FAF2: variants seen among roughly 807,000 people sequenced by gnomAD.
The protein encoded by FAF2 is FAS-associated factor 2.
In FAF2, 9 loss-of-function variants were observed where a neutral mutation model predicts 62.3. That is an observed-to-expected ratio of 0.14 (90% CI 0.09 to 0.25). FAF2 has a LOEUF of 0.25. Among genes scored for constraint, FAF2 ranks in the 10% least tolerant of loss-of-function variants. FAF2 has a pLI of 1.00. For missense variants in FAF2, 368 were observed against 556.2 expected (o/e 0.66, Z 3.40); for synonymous variants, 202 against 198.0 (o/e 1.02, Z -0.17).
chr5:176,492,459 A>C (rs1025397716), intron 5 of FAF2, 127 bp downstream of exon 5: 13 of 1,036,724 alleles, frequency 1.3e-5, no homozygotes, highest in East Asian at 8.6e-5. Context: ...CACTGCTTAT[A>C]GGGGTGGGTA....
At chr5:176,458,229 G>A (rs1278501426) in intron 1 of FAF2, among the ~76,000 whole-genome samples, 2 of 151,886 alleles carry the variant, frequency 1.3e-5, no homozygotes, top group African/African-American at 4.8e-5. Context: ...CCACAGGCAC[G>A]TGCCACCACG....
At chr5:176,452,162 A>T (rs1177713685) in intron 1 of FAF2, among the ~76,000 whole-genome samples, 1 of 151,510 alleles carries the variant, frequency 6.6e-6, no homozygotes, top group Non-Finnish European at 1.5e-5. Flanking sequence ...GGTTTAAGCT[A>T]TTCTCTTGCC....
At chr5:176,449,351 C>T (rs949774070) in intron 1 of FAF2, among the ~76,000 whole-genome samples, 1 of 152,130 alleles carries the variant, frequency 6.6e-6, no homozygotes, top group African/African-American at 2.4e-5. Context: ...CCAAGGCCAG[C>T]GAATCACGAG....
At chr5:176,504,769 C>T (rs2963296) in intron 10 of FAF2, among the ~76,000 whole-genome samples, 126,407 of 152,132 alleles carry the variant, frequency 0.83, 52,687 homozygotes, top group African/African-American at 0.91. Flanking sequence ...ATGGATTAGA[C>T]AAGAGGAACA....
chr5:176,451,815 CAT>C (rs750389365), intron 1 of FAF2, among the ~76,000 whole-genome samples: 11,809 of 25,230 alleles, frequency 0.47, 2,699 homozygotes, highest in Non-Finnish European at 0.53. Flanking sequence ...TATATACACA[CAT>C]ATATATATAT....
At chr5:176,448,531 G>A (rs571887221) in intron 1 of FAF2, 61 bp downstream of exon 1, 2 of 1,505,940 alleles carry the variant, frequency 1.3e-6, no homozygotes, top group East Asian at 4.9e-5. Flanking sequence ...GCCCCTAGAG[G>A]AGTTCAGAAC....
chr5:176,454,185 G>A (rs1309526516), intron 1 of FAF2, among the ~76,000 whole-genome samples: 1 of 151,672 alleles, frequency 6.6e-6, no homozygotes, highest in Non-Finnish European at 1.5e-5. Context: ...TTGAGGCCAG[G>A]AGTTCGAGAC....
chr5:176,493,805 G>C (rs1175903422), intron 5 of FAF2, among the ~76,000 whole-genome samples, 194 bp from the exon 6 acceptor site: 1 of 152,188 alleles, frequency 6.6e-6, no homozygotes, highest in African/African-American at 2.4e-5. Flanking sequence ...TTGTTAGCGT[G>C]GAGTTTCTAT....
At chr5:176,483,579 G>A (rs965755956) in intron 2 of FAF2, among the ~76,000 whole-genome samples, 1 of 152,132 alleles carries the variant, frequency 6.6e-6, no homozygotes, top group Non-Finnish European at 1.5e-5. Flanking sequence ...AAATTTCAAA[G>A]TTTGAAGCTA....
At chr5:176,499,955 T>G in intron 9 of FAF2, 48 bp from the exon 10 acceptor site, 1 of 1,602,248 alleles carries the variant, frequency 6.2e-7, no homozygotes, top group African/African-American at 1.3e-5. Flanking sequence ...ATGGTCATTG[T>G]ATTTATTTCT....
At chr5:176,484,815 TG>T (rs1281720219) in intron 2 of FAF2, among the ~76,000 whole-genome samples, 1 of 149,706 alleles carries the variant, frequency 6.7e-6, no homozygotes, top group Non-Finnish European at 1.5e-5. Flanking sequence ...CGCTTGAACC[TG>T]GGGGCGCGGA....
In FAF2 at chr5:176,477,505, A is replaced by C. The variant is rs141443154; in HGVS notation, c.64-1683A>C. Among the ~76,000 whole-genome samples the C allele has an allele frequency of 1.1e-4, 16 of 152,308 alleles. No homozygotes were observed. The East Asian group carries it at 2.9e-3, about 27-fold the overall frequency. ...TAAGGGGGTCCTATTAGAAGCCAGA[A>C]GGGAATAGGCAAATGTGAAGAGTCC... On this transcript the variant is annotated intron_variant, in intron 1 of 10. Coordinates refer to ENST00000261942, the MANE Select transcript of FAF2 (RefSeq NM_014613.3).
Position 176,508,317 on chromosome 5 carries a change from T to G in FAF2, c.*1367T>G, listed in dbSNP as rs1459794232. On this transcript the variant is annotated 3_prime_UTR_variant, in exon 11 of 11. Transcript: ENST00000261942. ...CTGACAAGTATTCCAAAGTGTTCTGTAGCTAGACTGGTGCAGGCTCGTTGT... is the reference window on the plus strand; with the variant it reads ...CTGACAAGTATTCCAAAGTGTTCTGGAGCTAGACTGGTGCAGGCTCGTTGT... 1 of 152,228 alleles carries G rather than the reference T, an allele frequency of 6.6e-6. No homozygotes were observed. Among genetic ancestry groups the G allele is most frequent in the African/African-American group, 2.4e-5 (1 of 41,450 alleles). 9.4% of individuals were successfully genotyped at this position (152,228 alleles called of 1,614,324 possible). A position where few individuals can be genotyped will look rare whatever the true frequency, so the allele number is the denominator to read the frequency against.
At chr5:176,503,469 C>T (rs906226471) in intron 10 of FAF2, among the ~76,000 whole-genome samples, 2 of 151,258 alleles carry the variant, frequency 1.3e-5, no homozygotes, top group Non-Finnish European at 1.5e-5. Context: ...GCTGCAGAAT[C>T]GCTTGAACCT....
At chr5:176,468,985 C>G (rs1273134066) in intron 1 of FAF2, among the ~76,000 whole-genome samples, 1 of 152,104 alleles carries the variant, frequency 6.6e-6, no homozygotes, top group African/African-American at 2.4e-5. Context: ...TGCCTCATAC[C>G]TATAGTCCCA....
chr5:176,508,165 A>G lies in FAF2; in HGVS notation c.*1215A>G, dbSNP rs1283764751. The G allele has an allele frequency of 1.3e-5, 2 of 152,662 alleles. No homozygotes were observed. The highest frequency in any genetic ancestry group is 6.5e-5 in the Admixed American group (1 of 15,282). 9.5% of individuals were successfully genotyped at this position (152,662 alleles called of 1,614,324 possible). On this transcript the variant is annotated 3_prime_UTR_variant, in exon 11 of 11. Coordinates refer to ENST00000261942, the MANE Select transcript of FAF2 (RefSeq NM_014613.3). ...CAGCCACCTTCTGGAGGCAGCTTTTATCCTTTCTCTCTATTGCTATGTTGA... is the reference window on the plus strand; with the variant it reads ...CAGCCACCTTCTGGAGGCAGCTTTTGTCCTTTCTCTCTATTGCTATGTTGA...
intron 8 of FAF2, among the ~76,000 whole-genome samples, chr5:176,498,263 A>G (rs1285544892): frequency 6.6e-6 from 1 of 152,252 alleles, no homozygotes; most frequent in East Asian, 1.9e-4. Flanking sequence ...TGGTGATTAC[A>G]TGGTTACATT....
chr5:176,505,320 G>GT (rs1394239089), intron 10 of FAF2, among the ~76,000 whole-genome samples: 2 of 152,188 alleles, frequency 1.3e-5, no homozygotes, highest in African/African-American at 2.4e-5. Context: ...CTCACACACA[G>GT]TTTAAGTTTT....
rs531269084 is a variant in FAF2 at position 176,508,796 on chromosome 5, G to A, written c.*1846G>A. On this transcript the variant is annotated 3_prime_UTR_variant, in exon 11 of 11. Coordinates refer to ENST00000261942, the MANE Select transcript of FAF2 (RefSeq NM_014613.3). ...GTTCTCCACATAAGGATAACCTTAC[G>A]TGAAACCTTCCTGCTGACAACCATG... is the stretch of plus-strand genomic sequence containing the variant. 1.3e-5 allele frequency: 2 copies of A among 152,268 alleles called. No individual in the cohort carries two copies. The highest frequency in any genetic ancestry group is 4.8e-5 in the African/African-American group (2 of 41,546). The allele number at this position is 152,268 out of a possible 1,614,324, so 9.4% of individuals were successfully genotyped here.
Sources: allele counts gnomAD v4.1 joint callset (sites outside exome capture counted in the v4.1 genomes callset), GRCh38; gene constraint gnomAD v4.1.1; transcripts MANE v1.5; gene names NCBI Gene and HGNC (gene_info 2026-07-23, HGNC 2026-07-21).